HTR3A: variants seen among roughly 807,000 people sequenced by gnomAD.
HTR3A encodes the protein 5-hydroxytryptamine receptor 3A, also known as 5-hydroxytryptamine (serotonin) receptor 3A, ionotropic.
In HTR3A, 45 loss-of-function variants were observed where a neutral mutation model predicts 54.8. The observed-to-expected ratio is 0.82, with a 90% CI of 0.65 to 1.05. The LOEUF is 1.05. Ranked by LOEUF, HTR3A falls within the 50% of genes least tolerant of loss-of-function variation. HTR3A has a pLI of 0.00. For missense variants in HTR3A, 657 were observed against 614.0 expected, an observed-to-expected ratio of 1.07 and a Z score of -0.74; for synonymous variants, 297 against 256.0, an observed-to-expected ratio of 1.16 and a Z score of -1.53.
chr11:113,976,875 T>C (rs1950359057), intron 1 of HTR3A, among the ~76,000 whole-genome samples: 1 of 151,668 alleles, frequency 6.6e-6, no homozygotes, highest in Non-Finnish European at 1.5e-5. Flanking sequence ...CCCATGAATT[T>C]TCACTTTTGC....
chr11:113,979,857 G>A (rs543097089), intron 3 of HTR3A, among the ~76,000 whole-genome samples: 1 of 152,274 alleles, frequency 6.6e-6, no homozygotes, highest in East Asian at 1.9e-4. Context: ...TGGGGTTGTT[G>A]GGAAGTCAGA....
At position 113,975,411 on chromosome 11, in the gene HTR3A, G is replaced by C; in HGVS notation, c.67+19G>C. On this transcript the variant is annotated intron_variant, in intron 1 of 8. Coordinates refer to ENST00000504030, the MANE Select transcript of HTR3A (RefSeq NM_000869.6). ...GGAGAAGGTAAGCAGACTTCGGGAA[G>C]CAGCAGGACTTGGCTGACCATCTGC... The C allele has an allele frequency of 6.2e-7, 1 of 1,605,036 alleles. No homozygotes were observed. Among genetic ancestry groups the C allele is most frequent in the Non-Finnish European group, 8.5e-7 (1 of 1,176,314 alleles).
rs1950497950 is a variant in HTR3A at position 113,986,763 on chromosome 11, T to A, written c.916+35T>A. ...CTCCTGGCAGCAGAGCTCAGTCTGG[T>A]GAGAAACCCGCCCCCTCCCACCTCC... is the stretch of plus-strand genomic sequence containing the variant. On this transcript the variant is annotated intron_variant, in intron 7 of 8. Transcript: ENST00000504030. The A allele has an allele frequency of 1.9e-6, 3 of 1,614,106 alleles. No individual in the cohort carries two copies. The East Asian group carries it at 6.7e-5, about 36-fold the overall frequency.
At chr11:113,977,330 G>C (rs1309495237) in intron 1 of HTR3A, among the ~76,000 whole-genome samples, 1 of 152,216 alleles carries the variant, frequency 6.6e-6, no homozygotes, top group African/African-American at 2.4e-5. Context: ...CCCTGATGCA[G>C]ACCCTTGGGC....
At chr11:113,977,014 G>A (rs959783517) in intron 1 of HTR3A, among the ~76,000 whole-genome samples, 2 of 152,066 alleles carry the variant, frequency 1.3e-5, no homozygotes, top group Middle Eastern at 3.4e-3. Flanking sequence ...TGTCCCCATA[G>A]GCCACCTACC....
rs1270345160 is a variant in HTR3A at position 113,989,012 on chromosome 11, A to C, written c.1139-453A>C. Among the ~76,000 whole-genome samples, 6 of 152,046 alleles carry C rather than the reference A, an allele frequency of 3.9e-5. No homozygotes were observed. Among genetic ancestry groups the C allele is most frequent in the Admixed American group, 3.9e-4 (6 of 15,246 alleles). On this transcript the variant is annotated intron_variant, in intron 8 of 8. Transcript: ENST00000504030. This position sits in a 1 kb window ranked among gnomAD's most constrained non-coding sequence, Gnocchi z 4.4. ...TCAGTCATACTGGTTTTTCAATTTA[A>C]ATTGGATGGTGGATTTGCAGGTATG...
At position 113,975,322 on chromosome 11, in the gene HTR3A, C is replaced by G. The variant is rs374115066; in HGVS notation, c.-4C>G. On this transcript the variant is annotated 5_prime_UTR_variant, in exon 1 of 9. Transcript: ENST00000504030. ...GAGGCACTCCTATGCTTGGAAAGCT[C>G]GCTATGCTGCTGTGGGTCCAGCAGG... The G allele has an allele frequency of 6.2e-7, 1 of 1,613,510 alleles. No homozygotes were observed. The highest frequency in any genetic ancestry group is 1.1e-5 in the South Asian group (1 of 91,044).
intron 5 of HTR3A, among the ~76,000 whole-genome samples, chr11:113,985,238 A>G (rs1030264613): frequency 6.6e-6 from 1 of 152,192 alleles, no homozygotes; most frequent in Admixed American, 6.5e-5. Flanking sequence ...ATATATCAGT[A>G]TATATATTAT....
At chr11:113,975,468 G>A (rs1353893984) in intron 1 of HTR3A, 76 bp downstream of exon 1, 19 of 1,219,034 alleles carry the variant, frequency 1.6e-5, no homozygotes, top group Non-Finnish European at 2.3e-5. Context: ...TCAGTCCTCC[G>A]AGGGCTGTGG....
At chr11:113,985,635 CT>C (rs1273988336) in intron 5 of HTR3A, among the ~76,000 whole-genome samples, 1 of 152,016 alleles carries the variant, frequency 6.6e-6, no homozygotes, top group Non-Finnish European at 1.5e-5. Flanking sequence ...AGAATGTTGA[CT>C]TTTGTTCATT....
chr11:113,989,811 G>T lies in HTR3A; in HGVS notation c.*48G>T. On this transcript the variant is annotated 3_prime_UTR_variant, in exon 9 of 9. Transcript: ENST00000504030. This position sits in a 1 kb window ranked among gnomAD's most constrained non-coding sequence, Gnocchi z 4.4. ...GGGGGTACAGTCCTGGTTAGGTGGG[G>T]ACAGAGGATTTCTGCTTAGGCCCCT... 1 of 1,592,412 alleles carries T rather than the reference G, an allele frequency of 6.3e-7. No individual in the cohort carries two copies. Among genetic ancestry groups the T allele is most frequent in the Non-Finnish European group, 8.5e-7 (1 of 1,172,074 alleles).
Position 113,983,296 on chromosome 11 carries a change from A to G in HTR3A, c.544+7A>G, listed in dbSNP as rs754673540. 6.2e-7 allele frequency: 1 copy of G among 1,613,788 alleles called. No individual in the cohort carries two copies. The highest frequency in any genetic ancestry group is 1.1e-5 in the South Asian group (1 of 91,074). ...ACCAGTTGGCTGCACACCAGTGAGT[A>G]TGTGGGCTTCGCCGGGACAGGGGTG... On this transcript the variant is annotated splice_region_variant and intron_variant, in intron 5 of 8. Transcript: ENST00000504030.
chr11:113,981,341 C>A, intron 4 of HTR3A, 29 bp downstream of exon 4: 2 of 1,445,714 alleles, frequency 1.4e-6, no homozygotes, highest in South Asian at 1.1e-5. Context: ...TGTGAGGTGG[C>A]TGGGTGGCTT....
rs781310991 is a variant in HTR3A, at chr11:113,989,610, C to T, written c.1284C>T (p.Phe428=). Residue 428 remains phenylalanine, a synonymous_variant, in exon 9 of 9, where the codon TTC becomes TTT. Coordinates refer to ENST00000504030, the MANE Select transcript of HTR3A (RefSeq NM_000869.6). This position sits in a 1 kb window ranked among gnomAD's most constrained non-coding sequence, Gnocchi z 4.4. ...LLQELSSIRQ[F]LEKRDEIREV... ...AGGAGCTGTCCTCCATCCGGCAATT[C>T]CTGGAAAAGCGGGATGAGATCCGAG... 6 of 1,614,196 alleles carry T rather than the reference C, an allele frequency of 3.7e-6. No homozygotes were observed. In the South Asian group the frequency reaches 6.6e-5, roughly 18 times the overall value.
intron 2 of HTR3A, 81 bp from the exon 3 acceptor site, chr11:113,979,152 C>A (rs1421002908): frequency 4.7e-6 from 5 of 1,065,354 alleles, no homozygotes; most frequent in African/African-American, 1.6e-5. Flanking sequence ...CACAAGGAAG[C>A]CCCTCCTTTA....
At chr11:113,988,609 C>T (rs536097166) in intron 8 of HTR3A, among the ~76,000 whole-genome samples, 2 of 152,186 alleles carry the variant, frequency 1.3e-5, no homozygotes, top group African/African-American at 2.4e-5. Context: ...ACTAAAATTA[C>T]AAAAATTAGC....
chr11:113,987,138 G>T (rs1417053906), intron 8 of HTR3A, 92 bp downstream of exon 8: 2 of 1,324,994 alleles, frequency 1.5e-6, no homozygotes, highest in Middle Eastern at 1.8e-4. Context: ...TGCCAAGGAG[G>T]TGCTGTACTG....
chr11:113,989,975 A>G lies in HTR3A; in HGVS notation c.*212A>G, dbSNP rs1454849529. ...AAAACTGGGTGTTCAAGGCCCTTAC[A>G]CCCTTGTCCCACCCCCAGCAGCTCA... On this transcript the variant is annotated 3_prime_UTR_variant, in exon 9 of 9. Coordinates refer to ENST00000504030, the MANE Select transcript of HTR3A (RefSeq NM_000869.6). This position sits in a 1 kb window ranked among gnomAD's most constrained non-coding sequence, Gnocchi z 4.4. 1 of 696,944 alleles carries G rather than the reference A, an allele frequency of 1.4e-6. No homozygotes were observed. The highest frequency in any genetic ancestry group is 2.0e-5 in the Admixed American group (1 of 49,612). The allele number at this position is 696,944 out of a possible 1,614,324, so 43.2% of individuals were successfully genotyped here.
rs1199204904 is a variant in HTR3A at position 113,990,180 on chromosome 11, T to C, written c.*417T>C. ...AAACCAACTCTCTACTACACAGGCCTGATAACTCTGTACGAGGCTTCTCTA... is the reference window on the plus strand; with the variant it reads ...AAACCAACTCTCTACTACACAGGCCCGATAACTCTGTACGAGGCTTCTCTA... On this transcript the variant is annotated 3_prime_UTR_variant, in exon 9 of 9. Transcript: ENST00000504030. 2 of 458,142 alleles carry C rather than the reference T, an allele frequency of 4.4e-6. No homozygotes were observed. Among genetic ancestry groups the C allele is most frequent in the Non-Finnish European group, 8.7e-6 (2 of 229,676 alleles). 28.4% of individuals were successfully genotyped at this position (458,142 alleles called of 1,614,324 possible). A position where few individuals can be genotyped will look rare whatever the true frequency, so the allele number is the denominator to read the frequency against.
Sources: allele counts gnomAD v4.1 joint callset (sites outside exome capture counted in the v4.1 genomes callset), GRCh38; gene constraint gnomAD v4.1.1; non-coding constraint Gnocchi (gnomAD v3.1); transcripts MANE v1.5; gene names NCBI Gene and HGNC (gene_info 2026-07-23, HGNC 2026-07-21).